PALMD: variants seen among roughly 807,000 people sequenced by gnomAD.
PALMD encodes paralemmin-like protein.
In PALMD, 42 loss-of-function variants were observed where a neutral mutation model predicts 56.2. The observed-to-expected ratio is 0.75, with a 90% CI of 0.58 to 0.97. PALMD has a LOEUF of 0.97. Among genes scored for constraint, PALMD ranks in the 50% least tolerant of loss-of-function variants. The probability of loss-of-function intolerance (pLI) is 0.00; values close to 1 mark genes in which losing one functional copy is unlikely to be tolerated. For missense variants in PALMD, 660 were observed against 643.8 expected (o/e 1.03, Z -0.27); for synonymous variants, 242 against 222.9 (o/e 1.09, Z -0.76).
chr1:99,676,068 T>C (rs1249095371), intron 3 of PALMD, among the ~76,000 whole-genome samples: 1 of 152,208 alleles, frequency 6.6e-6, no homozygotes, highest in Non-Finnish European at 1.5e-5. Flanking sequence ...CTCTGCTTCT[T>C]GTTATCTTAA....
intron 1 of PALMD, among the ~76,000 whole-genome samples, chr1:99,654,232 G>C (rs1460724831): frequency 6.6e-6 from 1 of 151,894 alleles, no homozygotes; most frequent in Admixed American, 6.6e-5. Context: ...CAGTAAAGAA[G>C]CCAGATACAC....
chr1:99,693,935 C>A, intron 7 of PALMD, 84 bp from the exon 8 acceptor site: 1 of 900,710 alleles, frequency 1.1e-6, no homozygotes, highest in Non-Finnish European at 1.8e-6. Context: ...ATGTTCTAAA[C>A]TTTCCTGCAT....
intron 1 of PALMD, among the ~76,000 whole-genome samples, chr1:99,657,861 C>A (rs1361405542): frequency 6.6e-6 from 1 of 152,210 alleles, no homozygotes; most frequent in Non-Finnish European, 1.5e-5. Flanking sequence ...CCCAGCCTCA[C>A]TGTAACTACC....
At chr1:99,673,432 T>C (rs1653127821) in intron 3 of PALMD, among the ~76,000 whole-genome samples, 1 of 151,864 alleles carries the variant, frequency 6.6e-6, no homozygotes, top group African/African-American at 2.4e-5. Context: ...CCGTATCTAA[T>C]ACCACATAGC....
At chr1:99,676,225 CT>C (rs1367344723) in intron 3 of PALMD, among the ~76,000 whole-genome samples, 1 of 152,140 alleles carries the variant, frequency 6.6e-6, no homozygotes, top group East Asian at 1.9e-4. Flanking sequence ...ACAGTTTGCA[CT>C]AGTAGGCTAG....
In PALMD at chr1:99,690,020, A is replaced by G. The variant is rs1450988872; in HGVS notation, c.1612+148A>G. The G allele has an allele frequency of 6.3e-6, 4 of 634,152 alleles. No homozygotes were observed. In the East Asian group the frequency reaches 8.2e-5, roughly 13 times the overall value. 39.3% of individuals were successfully genotyped at this position (634,152 alleles called of 1,614,324 possible). A position where few individuals can be genotyped will look rare whatever the true frequency, so the allele number is the denominator to read the frequency against. On this transcript the variant is annotated intron_variant, in intron 7 of 7. Coordinates refer to ENST00000263174, the MANE Select transcript of PALMD (RefSeq NM_017734.5). ...TTTATTAATGCTGATAGAGATTATT[A>G]TCACCACAGTAAAGTGATTAAGTCA...
rs560251010 is a variant in PALMD, at chr1:99,662,604, A to C, written c.126+205A>C. Among the ~76,000 whole-genome samples the C allele has an allele frequency of 1.2e-4, 19 of 152,358 alleles. No homozygotes were observed. In the East Asian group the frequency reaches 3.7e-3, roughly 29 times the overall value. On this transcript the variant is annotated intron_variant, in intron 2 of 7. Coordinates refer to ENST00000263174, the MANE Select transcript of PALMD (RefSeq NM_017734.5). ...TTCTAGCAAACATGTGCAAAGTTGA[A>C]CACATGGTTTTATTACTTTTATCCT...
At chr1:99,659,956 T>A (rs1482517237) in intron 1 of PALMD, among the ~76,000 whole-genome samples, 1 of 152,170 alleles carries the variant, frequency 6.6e-6, no homozygotes, top group Non-Finnish European at 1.5e-5. Context: ...CAGATTCAAT[T>A]GCCTGATTAC....
chr1:99,646,118 A>ATG lies in PALMD; in HGVS notation c.-196_-195dup, dbSNP rs917865554. On this transcript the variant is annotated 5_prime_UTR_variant, in exon 1 of 8. An upstream open reading frame in the 5' UTR gains an earlier in-frame stop. Transcript: ENST00000263174. ...TGCCTCCCCAGCACACCCTCATTACATGTGTCTGTCTGGCCTGATCTGTGC... is the reference window on the plus strand; with the variant it reads ...TGCCTCCCCAGCACACCCTCATTACATGTGTGTCTGTCTGGCCTGATCTGTGC... 5.2e-6 allele frequency: 3 copies of ATG among 580,406 alleles called. No homozygotes were observed. The highest frequency in any genetic ancestry group is 4.2e-5 in the South Asian group (2 of 47,736). 36.0% of individuals were successfully genotyped at this position (580,406 alleles called of 1,614,324 possible). A position where few individuals can be genotyped will look rare whatever the true frequency, so the allele number is the denominator to read the frequency against.
chr1:99,664,602 A>C (rs1257192524), intron 2 of PALMD, among the ~76,000 whole-genome samples: 1 of 152,178 alleles, frequency 6.6e-6, no homozygotes, highest in African/African-American at 2.4e-5. Context: ...CATTCTTCCA[A>C]GTTTTGCAAA....
At chr1:99,663,677 T>C (rs904258874) in intron 2 of PALMD, among the ~76,000 whole-genome samples, 1 of 152,148 alleles carries the variant, frequency 6.6e-6, no homozygotes, top group African/African-American at 2.4e-5. Context: ...GATAGCTCTC[T>C]AGCTATCCTT....
At chr1:99,683,059 AGAGAGAGAGAGAGAGAGAGAG>A (rs1653394257) in intron 3 of PALMD, among the ~76,000 whole-genome samples, 1 of 16,224 alleles carries the variant, frequency 6.2e-5, no homozygotes, top group East Asian at 1.8e-3. Context: ...AAAGAAAGAG[AGAGAGAGAGAGAGAGAGAGAG>A]AGAGAGAGAG....
chr1:99,691,515 C>T (rs1393404864), intron 7 of PALMD, among the ~76,000 whole-genome samples: 2 of 152,176 alleles, frequency 1.3e-5, no homozygotes, highest in Non-Finnish European at 2.9e-5. Context: ...GCTCCAAATT[C>T]CTTGCCTTCC....
intron 1 of PALMD, among the ~76,000 whole-genome samples, chr1:99,658,688 G>A (rs1030609424): frequency 6.6e-6 from 1 of 151,642 alleles, no homozygotes; most frequent in Non-Finnish European, 1.5e-5. Flanking sequence ...GGAGAATGGC[G>A]TGAATCTGGG....
chr1:99,678,240 TTA>T (rs142661105), intron 3 of PALMD, among the ~76,000 whole-genome samples: 5,557 of 151,754 alleles, frequency 0.037, 279 homozygotes, highest in African/African-American at 0.12. Flanking sequence ...AGTACTGGGA[TTA>T]TATAGGTGCG....
At chr1:99,671,132 G>A (rs529459864) in intron 3 of PALMD, among the ~76,000 whole-genome samples, 1 of 152,102 alleles carries the variant, frequency 6.6e-6, no homozygotes, top group East Asian at 1.9e-4. Context: ...CTTGACTTAC[G>A]TGCCTGCTCG....
At chr1:99,687,318 G>C in intron 6 of PALMD, 129 bp downstream of exon 6, 1 of 963,918 alleles carries the variant, frequency 1.0e-6, no homozygotes, top group Non-Finnish European at 1.5e-6. Context: ...AGTTCTGTGA[G>C]TTATGTGAGT....
chr1:99,667,944 T>A, intron 3 of PALMD, 178 bp downstream of exon 3: 1 of 553,222 alleles, frequency 1.8e-6, no homozygotes, highest in East Asian at 3.1e-5. Context: ...AGTGACATGA[T>A]CTCGGCTCAC....
intron 3 of PALMD, chr1:99,668,732 G>C (rs1346015365): frequency 1.3e-5 from 2 of 152,208 alleles, no homozygotes; most frequent in Non-Finnish European, 2.9e-5. Flanking sequence ...AACTGCTGGT[G>C]TAAGAAGTAA....
Sources: allele counts gnomAD v4.1 joint callset (sites outside exome capture counted in the v4.1 genomes callset), GRCh38; gene constraint gnomAD v4.1.1; transcripts MANE v1.5; gene names NCBI Gene and HGNC (gene_info 2026-07-23, HGNC 2026-07-21).